The following MRAP2 variants were observed in gnomAD, a reference collection of about 807,000 sequenced individuals.
The protein encoded by MRAP2 is melanocortin 2 receptor accessory protein 2.
Under a neutral mutation model 17.4 loss-of-function variants are expected in MRAP2, and 20 were observed. The observed-to-expected ratio is 1.15, with a 90% CI of 0.81 to 1.67. The LOEUF is 1.67. Ranked by LOEUF, MRAP2 falls within the 40% of genes most tolerant of loss-of-function variation. MRAP2 has a pLI of 0.00. For synonymous variants in MRAP2, 96 were observed against 88.4 expected, an observed-to-expected ratio of 1.09 and a Z score of -0.48; for missense variants, 238 against 240.0, an observed-to-expected ratio of 0.99 and a Z score of 0.05.
At position 84,064,499 on chromosome 6, in the gene MRAP2, G is replaced by T. The variant is rs570459557; in HGVS notation, c.227+1507G>T. ...TTGGTTTTGTTTTGTTTTTTTGTTTGTTTTTTGAGACGGAGTCTTGCTCTG... is the reference window on the plus strand; with the variant it reads ...TTGGTTTTGTTTTGTTTTTTTGTTTTTTTTTTGAGACGGAGTCTTGCTCTG... On this transcript the variant is annotated intron_variant, in intron 3 of 3. Coordinates refer to ENST00000257776, the MANE Select transcript of MRAP2 (RefSeq NM_138409.4). Among the ~76,000 whole-genome samples the T allele has an allele frequency of 9.3e-5, 14 of 151,324 alleles. No homozygotes were observed. In the East Asian group the frequency reaches 2.5e-3, roughly 27 times the overall value.
intron 1 of MRAP2, among the ~76,000 whole-genome samples, chr6:84,045,566 C>T (rs1416328205): frequency 5.9e-5 from 9 of 152,072 alleles, no homozygotes; most frequent in Non-Finnish European, 1.0e-4. Context: ...AGTTTGAGAC[C>T]AGCCTGGCCA....
chr6:84,146,279 T>C, the MRAP2 span, among the ~76,000 whole-genome samples: 1 of 152,140 alleles, frequency 6.6e-6, no homozygotes, highest in Admixed American at 6.6e-5. Context: ...TTTTCTCTTA[T>C]TAATCTGTCT....
chr6:84,047,660 A>T (rs2099489393), intron 1 of MRAP2, among the ~76,000 whole-genome samples: 2 of 152,178 alleles, frequency 1.3e-5, no homozygotes, highest in African/African-American at 4.8e-5. Context: ...CATTATCTCA[A>T]ACTGAAACTC....
chr6:84,143,585 C>T, the MRAP2 span, among the ~76,000 whole-genome samples: 15 of 151,170 alleles, frequency 9.9e-5, no homozygotes, highest in South Asian at 6.3e-4. Flanking sequence ...AAAAGGAGAA[C>T]GAAGAACAAA....
the MRAP2 span, among the ~76,000 whole-genome samples, chr6:84,122,812 T>C: frequency 3.9e-5 from 6 of 152,146 alleles, no homozygotes; most frequent in African/African-American, 9.7e-5. Flanking sequence ...GATGACACGA[T>C]TGTATACCTA....
the MRAP2 span, among the ~76,000 whole-genome samples, chr6:84,104,541 C>A: frequency 4.6e-5 from 7 of 152,124 alleles, no homozygotes; most frequent in Admixed American, 2.0e-4. Flanking sequence ...GTAACAGTAC[C>A]CAAGTCACCT....
intron 1 of MRAP2, among the ~76,000 whole-genome samples, chr6:84,046,226 T>G (rs1161255994): frequency 6.6e-6 from 1 of 152,192 alleles, no homozygotes; most frequent in Non-Finnish European, 1.5e-5. Context: ...TTTAAAATTT[T>G]CTTTACTTTG....
chr6:84,124,063 GA>G, the MRAP2 span, among the ~76,000 whole-genome samples: 1 of 152,096 alleles, frequency 6.6e-6, no homozygotes, highest in Non-Finnish European at 1.5e-5. Flanking sequence ...TCAAACAACA[GA>G]TGATGGTGTC....
chr6:84,056,104 G>A (rs2099491649), intron 2 of MRAP2, among the ~76,000 whole-genome samples: 2 of 152,168 alleles, frequency 1.3e-5, no homozygotes, highest in South Asian at 4.1e-4. Context: ...CAGTTAACAT[G>A]GTAGGCAGGA....
chr6:84,088,843 T>G (rs2099501112), intron 3 of MRAP2, among the ~76,000 whole-genome samples: 1 of 152,212 alleles, frequency 6.6e-6, no homozygotes, highest in Non-Finnish European at 1.5e-5. Context: ...GGGGAATTCC[T>G]CAGCAAGGTG....
chr6:84,131,417 CGTT>C, the MRAP2 span, among the ~76,000 whole-genome samples: 3 of 152,084 alleles, frequency 2.0e-5, no homozygotes, highest in Non-Finnish European at 4.4e-5. Context: ...CTTTCTGTCT[CGTT>C]GATCTGTCTA....
At chr6:84,132,214 G>A in the MRAP2 span, among the ~76,000 whole-genome samples, 1 of 152,228 alleles carries the variant, frequency 6.6e-6, no homozygotes, top group African/African-American at 2.4e-5. Context: ...GAGATCTGCT[G>A]TTAGTCTGAT....
At chr6:84,137,670 T>C in the MRAP2 span, among the ~76,000 whole-genome samples, 1 of 152,176 alleles carries the variant, frequency 6.6e-6, no homozygotes, top group Non-Finnish European at 1.5e-5. Context: ...TAAAGATTCA[T>C]GTCTTTTCTC....
chr6:84,059,026 G>T (rs1316630759), intron 2 of MRAP2, among the ~76,000 whole-genome samples: 1 of 152,328 alleles, frequency 6.6e-6, no homozygotes, highest in East Asian at 1.9e-4. Context: ...ATAAAGGGAA[G>T]GAGAGGAATG....
At chr6:84,063,133 C>G in intron 3 of MRAP2, 141 bp downstream of exon 3, 2 of 1,462,282 alleles carry the variant, frequency 1.4e-6, no homozygotes, top group Non-Finnish European at 1.8e-6. Flanking sequence ...CCCAGATGCC[C>G]GTGGATGGGA....
intron 3 of MRAP2, among the ~76,000 whole-genome samples, chr6:84,068,588 A>G (rs909037363): frequency 4.6e-5 from 7 of 151,866 alleles, no homozygotes; most frequent in African/African-American, 9.7e-5. Context: ...TTTTCCTTGT[A>G]GAGGTCTTTT....
intron 3 of MRAP2, among the ~76,000 whole-genome samples, chr6:84,076,198 G>A (rs1192295462): frequency 6.6e-6 from 1 of 151,602 alleles, no homozygotes; most frequent in East Asian, 1.9e-4. Context: ...GAGTAACTGG[G>A]ACTGGGTGTC....
chr6:84,094,900 C>T (rs546753749), downstream of MRAP2, among the ~76,000 whole-genome samples: 1 of 152,214 alleles, frequency 6.6e-6, no homozygotes, highest in Admixed American at 6.5e-5. Flanking sequence ...CCTCTGAGTC[C>T]TCACTTAGAG....
intron 1 of MRAP2, chr6:84,045,272 A>G (rs2099488677): frequency 3.0e-6 from 3 of 985,254 alleles, no homozygotes; most frequent in African/African-American, 1.7e-5. Flanking sequence ...ATGAACTTGA[A>G]TAAGGTGTTG....
Sources: allele counts gnomAD v4.1 joint callset (sites outside exome capture counted in the v4.1 genomes callset), GRCh38; gene constraint gnomAD v4.1.1; transcripts MANE v1.5; gene names NCBI Gene and HGNC (gene_info 2026-07-23, HGNC 2026-07-21).